Variants in FHIT observed in about 807,000 individuals in gnomAD.
FHIT encodes the protein bis(5'-adenosyl)-triphosphatase.
Under a neutral mutation model 17.9 loss-of-function variants are expected in FHIT, and 19 were observed. That is an observed-to-expected ratio of 1.06 (90% CI 0.74 to 1.56). The LOEUF is 1.56. Ranked by LOEUF, FHIT falls within the 40% of genes most tolerant of loss-of-function variation. The probability of loss-of-function intolerance (pLI) is 0.00; values close to 1 mark genes in which losing one functional copy is unlikely to be tolerated. For synonymous variants in FHIT, 81 were observed against 69.7 expected, an observed-to-expected ratio of 1.16 and a Z score of -0.81; for missense variants, 248 against 189.2, an observed-to-expected ratio of 1.31 and a Z score of -1.82.
At chr3:60,735,239 T>C (rs1297615755) in intron 4 of FHIT, among the ~76,000 whole-genome samples, 2 of 152,200 alleles carry the variant, frequency 1.3e-5, no homozygotes, top group African/African-American at 2.4e-5. Context: ...AAAAACTGCA[T>C]AGCACAATGG....
intron 2 of FHIT, chr3:61,165,821 G>A (rs1034077702): frequency 6.6e-6 from 1 of 152,132 alleles, no homozygotes; most frequent in Non-Finnish European, 1.5e-5. Flanking sequence ...GGTGACAAGA[G>A]TGAGACTCTG....
chr3:61,117,423 G>A (rs1034689777), intron 2 of FHIT, among the ~76,000 whole-genome samples: 8 of 152,176 alleles, frequency 5.3e-5, no homozygotes, highest in Middle Eastern at 3.4e-3. Context: ...CATGAGATAC[G>A]GTGCCAGAAA....
chr3:61,241,737 A>G (rs906184120), intron 1 of FHIT, among the ~76,000 whole-genome samples: 2 of 152,180 alleles, frequency 1.3e-5, no homozygotes, highest in Non-Finnish European at 2.9e-5. Flanking sequence ...AACACTTAAA[A>G]AGACTCAGCA....
chr3:60,115,512 G>A (rs1431864961), intron 5 of FHIT, among the ~76,000 whole-genome samples: 1 of 152,102 alleles, frequency 6.6e-6, no homozygotes, highest in East Asian at 1.9e-4. Context: ...GTCTTCAGAG[G>A]CCACAGGTAT....
chr3:60,058,790 A>C (rs1702188750), intron 5 of FHIT, among the ~76,000 whole-genome samples: 1 of 152,168 alleles, frequency 6.6e-6, no homozygotes, highest in African/African-American at 2.4e-5. Context: ...AAGATAAATA[A>C]CATGATCGAT....
chr3:60,779,471 C>G (rs1700311262), intron 4 of FHIT, among the ~76,000 whole-genome samples: 1 of 152,082 alleles, frequency 6.6e-6, no homozygotes, highest in African/African-American at 2.4e-5. Flanking sequence ...TGCCCATTAC[C>G]AGGAGGTTTC....
intron 4 of FHIT, among the ~76,000 whole-genome samples, chr3:60,625,816 C>T (rs779817702): frequency 6.6e-6 from 1 of 152,106 alleles, no homozygotes; most frequent in Non-Finnish European, 1.5e-5. Flanking sequence ...AAATATTTTG[C>T]CTAATCCAAG....
At chr3:60,873,142 A>G (rs1175433211) in intron 3 of FHIT, among the ~76,000 whole-genome samples, 3 of 144,282 alleles carry the variant, frequency 2.1e-5, no homozygotes, top group African/African-American at 5.8e-5. Context: ...GGAGAGGGAG[A>G]GAGAGAGAGA....
intron 3 of FHIT, among the ~76,000 whole-genome samples, chr3:60,903,217 A>G (rs1706214697): frequency 6.6e-6 from 1 of 152,226 alleles, no homozygotes; most frequent in Non-Finnish European, 1.5e-5. Flanking sequence ...ATCAAGAGGC[A>G]TTATAAGGAT....
intron 3 of FHIT, among the ~76,000 whole-genome samples, chr3:61,002,074 A>G (rs1033833640): frequency 6.6e-5 from 10 of 152,236 alleles, no homozygotes; most frequent in Non-Finnish European, 1.5e-4. Flanking sequence ...ATATATGCAT[A>G]CAATGTAGAA....
intron 8 of FHIT, among the ~76,000 whole-genome samples, chr3:59,823,076 T>A (rs896199079): frequency 2.0e-5 from 3 of 152,168 alleles, no homozygotes; most frequent in Non-Finnish European, 4.4e-5. Flanking sequence ...CCATTTCTGT[T>A]TTTGTTTGCT....
At chr3:61,014,936 A>G (rs1471502568) in intron 3 of FHIT, among the ~76,000 whole-genome samples, 2 of 150,736 alleles carry the variant, frequency 1.3e-5, no homozygotes, top group Non-Finnish European at 3.0e-5. Context: ...ACATCCATAT[A>G]TATGACATTT....
chr3:59,852,017 G>A (rs998894349), intron 8 of FHIT, among the ~76,000 whole-genome samples: 4 of 152,240 alleles, frequency 2.6e-5, no homozygotes, highest in Admixed American at 6.5e-5. Context: ...TCACCCAGTC[G>A]GGGGATATTA....
At chr3:60,320,719 T>G (rs932889542) in intron 5 of FHIT, among the ~76,000 whole-genome samples, 3 of 152,162 alleles carry the variant, frequency 2.0e-5, no homozygotes, top group Admixed American at 6.6e-5. Flanking sequence ...TCTATAAAAC[T>G]TGTGCTATAA....
chr3:60,720,004 T>A (rs2041773947), intron 4 of FHIT, among the ~76,000 whole-genome samples: 1 of 152,188 alleles, frequency 6.6e-6, no homozygotes, highest in South Asian at 2.1e-4. Flanking sequence ...GCAAATGTGA[T>A]CAGAGCTTCC....
At position 60,875,335 on chromosome 3, in the gene FHIT, C is replaced by T. The variant is rs187593590; in HGVS notation, c.-110-53324G>A. Among the ~76,000 whole-genome samples, 13 of 152,290 alleles carry T rather than the reference C, an allele frequency of 8.5e-5. 1 individual carries two copies. The highest frequency in any genetic ancestry group is 5.2e-4 in the Admixed American group (8 of 15,294). On this transcript the variant is annotated intron_variant, in intron 3 of 9. Coordinates refer to ENST00000492590, the MANE Select transcript of FHIT (RefSeq NM_002012.4). ...TGGGCTACCCTGTTACAATGTGTGA[C>T]TGACTATCCTACTCCCACTTTCCAA...
chr3:60,668,441 GA>G (rs2040431861), intron 4 of FHIT, among the ~76,000 whole-genome samples: 1 of 149,052 alleles, frequency 6.7e-6, no homozygotes, highest in Non-Finnish European at 1.5e-5. Context: ...TTGGACTTAG[GA>G]AACACTCAGT....
At chr3:60,161,211 C>T (rs112975609) in intron 5 of FHIT, among the ~76,000 whole-genome samples, 3 of 152,302 alleles carry the variant, frequency 2.0e-5, no homozygotes, top group Non-Finnish European at 4.4e-5. Flanking sequence ...GGTGGCAAAT[C>T]GGTAGCATTG....
chr3:60,252,974 G>C (rs899491001), intron 5 of FHIT, among the ~76,000 whole-genome samples: 2 of 151,864 alleles, frequency 1.3e-5, no homozygotes, highest in Admixed American at 1.3e-4. Flanking sequence ...CTCCAGCCTG[G>C]GTGACAGAGC....
Sources: allele counts gnomAD v4.1 joint callset (sites outside exome capture counted in the v4.1 genomes callset), GRCh38; gene constraint gnomAD v4.1.1; transcripts MANE v1.5; gene names NCBI Gene and HGNC (gene_info 2026-07-23, HGNC 2026-07-21).